The following NELL2 variants were observed in gnomAD, a reference collection of about 807,000 sequenced individuals.
NELL2 encodes the protein neural EGFL like 2, also known as protein kinase C-binding protein NELL2.
A neutral mutation model predicts 109.6 loss-of-function variants in NELL2; 41 were observed. The observed-to-expected ratio is 0.37, with a 90% confidence interval of 0.29 to 0.49. The LOEUF (loss-of-function observed/expected upper bound fraction) is 0.49, where lower values mean the gene tolerates loss of function less well. Among genes scored for constraint, NELL2 ranks in the 20% least tolerant of loss-of-function variants. The pLI, the probability that NELL2 is intolerant of heterozygous loss-of-function variation, is 0.98. For missense variants in NELL2, 900 were observed against 1,008.3 expected (o/e 0.89, Z 1.45); for synonymous variants, 355 against 344.7 (o/e 1.03, Z -0.33).
At chr12:44,855,934 C>G (rs1176987805) in intron 2 of NELL2, among the ~76,000 whole-genome samples, 3 of 152,176 alleles carry the variant, frequency 2.0e-5, no homozygotes. Flanking sequence ...GAGAAGAAAG[C>G]AGGTATTTTG....
chr12:44,657,408 C>T (rs1166639681), intron 13 of NELL2, among the ~76,000 whole-genome samples: 1 of 152,106 alleles, frequency 6.6e-6, no homozygotes, highest in Admixed American at 6.6e-5. Flanking sequence ...AAATTACCAG[C>T]CGTTTATTCC....
chr12:44,756,283 T>C (rs1429367425), intron 9 of NELL2, among the ~76,000 whole-genome samples: 3 of 151,974 alleles, frequency 2.0e-5, no homozygotes, highest in African/African-American at 7.3e-5. Flanking sequence ...TCCTCTCTTA[T>C]ACATGTTCAA....
chr12:44,876,913 C>T, upstream of NELL2: 1 of 1,242,928 alleles, frequency 8.0e-7, no homozygotes, highest in Non-Finnish European at 1.0e-6. Flanking sequence ...GGTTCCCTGC[C>T]GGGGGCGGGG....
At chr12:44,696,739 T>C (rs1949073514) in intron 12 of NELL2, among the ~76,000 whole-genome samples, 1 of 152,170 alleles carries the variant, frequency 6.6e-6, no homozygotes, top group Admixed American at 6.5e-5. Context: ...TGAGTCAGCC[T>C]AATGGTGCCC....
intron 9 of NELL2, among the ~76,000 whole-genome samples, chr12:44,716,746 C>CT (rs1478299613): frequency 7.9e-5 from 12 of 152,032 alleles, no homozygotes; most frequent in African/African-American, 2.9e-4. Flanking sequence ...GACTTGATAA[C>CT]TGCAGCCTAT....
intron 15 of NELL2, among the ~76,000 whole-genome samples, chr12:44,589,743 T>C (rs1461301960): frequency 1.3e-5 from 2 of 152,228 alleles, no homozygotes; most frequent in Admixed American, 6.5e-5. Flanking sequence ...TGGCTTTGTT[T>C]GTAACAAAGG....
At chr12:44,759,284 C>T (rs1219204434) in intron 9 of NELL2, among the ~76,000 whole-genome samples, 1 of 152,138 alleles carries the variant, frequency 6.6e-6, no homozygotes, top group Non-Finnish European at 1.5e-5. Flanking sequence ...TGTGACTTTA[C>T]AGGTTCTCCA....
At chr12:44,739,408 G>C (rs1443420557) in intron 9 of NELL2, among the ~76,000 whole-genome samples, 1 of 152,158 alleles carries the variant, frequency 6.6e-6, no homozygotes, top group Non-Finnish European at 1.5e-5. Flanking sequence ...AAAATAGCTT[G>C]TAGTGGCCCC....
intron 12 of NELL2, among the ~76,000 whole-genome samples, chr12:44,696,065 A>G (rs1322581941): frequency 6.6e-6 from 1 of 152,252 alleles, no homozygotes; most frequent in Non-Finnish European, 1.5e-5. Context: ...ATTATTTTGT[A>G]CATAGGCTAG....
At chr12:44,805,759 T>C (rs946047465) in intron 3 of NELL2, among the ~76,000 whole-genome samples, 1 of 151,952 alleles carries the variant, frequency 6.6e-6, no homozygotes. Context: ...TTTGCATTTA[T>C]GCCTATATGT....
At chr12:44,673,461 G>C (rs572730456) in intron 12 of NELL2, among the ~76,000 whole-genome samples, 2 of 152,186 alleles carry the variant, frequency 1.3e-5, no homozygotes, top group African/African-American at 2.4e-5. Flanking sequence ...GAACCACAGC[G>C]ACAAGTGGAT....
intron 15 of NELL2, among the ~76,000 whole-genome samples, chr12:44,556,195 A>G (rs149873746): frequency 1.2e-3 from 182 of 152,336 alleles, no homozygotes; most frequent in African/African-American, 4.3e-3. Context: ...TTAAAATCCA[A>G]TCCATTCAGA....
At chr12:44,910,053 AT>A (rs1945762365) in intron 1 of NELL2, among the ~76,000 whole-genome samples, 1 of 152,050 alleles carries the variant, frequency 6.6e-6, no homozygotes, top group Admixed American at 6.6e-5. Context: ...AGGAAACACC[AT>A]TCTGGACATC....
At chr12:44,921,005 C>T (rs944936957) in intron 1 of NELL2, among the ~76,000 whole-genome samples, 2 of 152,122 alleles carry the variant, frequency 1.3e-5, no homozygotes, top group Non-Finnish European at 2.9e-5. Context: ...CTTTAAGCTA[C>T]TCTCAGTGAA....
At chr12:44,586,727 T>C (rs1944520786) in intron 15 of NELL2, among the ~76,000 whole-genome samples, 2 of 152,190 alleles carry the variant, frequency 1.3e-5, no homozygotes, top group South Asian at 2.1e-4. Flanking sequence ...TTAGCTTTTT[T>C]CCCATTTAGT....
At chr12:44,648,448 G>C (rs879276946) in intron 13 of NELL2, among the ~76,000 whole-genome samples, 4 of 152,070 alleles carry the variant, frequency 2.6e-5, no homozygotes, top group African/African-American at 9.7e-5. Flanking sequence ...TGAGGACACA[G>C]AAGCTGTAAA....
intron 15 of NELL2, among the ~76,000 whole-genome samples, chr12:44,598,946 G>T (rs1395665644): frequency 6.6e-6 from 1 of 151,588 alleles, no homozygotes; most frequent in Non-Finnish European, 1.5e-5. Flanking sequence ...ACCAGCACAG[G>T]CGATTAGGAG....
chr12:44,587,297 ATATATATATATTTT>A (rs1414316206), intron 15 of NELL2, among the ~76,000 whole-genome samples: 1 of 114,718 alleles, frequency 8.7e-6, no homozygotes. Context: ...ATATATATAT[ATATATATATATTTT>A]TTTTTAAATA....
At chr12:44,665,312 T>A (rs183592671) in intron 13 of NELL2, 172 bp downstream of exon 13, 93 of 476,348 alleles carry the variant, frequency 2.0e-4, no homozygotes, top group African/African-American at 1.5e-3. Flanking sequence ...CAAGCAGGTG[T>A]TTTTTTTCTT....
Sources: gnomAD v4.1 joint callset for allele counts (sites outside exome capture counted in the v4.1 genomes callset) on GRCh38, gnomAD v4.1.1 for gene constraint, MANE v1.5 for transcripts, NCBI Gene and HGNC (gene_info 2026-07-23, HGNC 2026-07-21) for gene names.